Variants in ODR4 observed in about 807,000 individuals in gnomAD.
ODR4 encodes the protein protein odr-4 homolog.
ODR4 carries 47 observed loss-of-function variants against 60.2 expected under a neutral mutation model. That is an observed-to-expected ratio of 0.78 (90% CI 0.62 to 1.00). The LOEUF (loss-of-function observed/expected upper bound fraction) is 1.00. Ranked by LOEUF, ODR4 falls within the 50% of genes least tolerant of loss-of-function variation. ODR4 has a pLI of 0.00. For synonymous variants in ODR4, 178 were observed against 175.5 expected, an observed-to-expected ratio of 1.01 and a Z score of -0.11; for missense variants, 488 against 530.8, an observed-to-expected ratio of 0.92 and a Z score of 0.79.
chr1:186,428,354 A>G, the ODR4 span, among the ~76,000 whole-genome samples: 1 of 152,132 alleles, frequency 6.6e-6, no homozygotes, highest in South Asian at 2.1e-4. Context: ...AACCCCATGA[A>G]CCAACCTCTG....
intron 7 of ODR4, 144 bp downstream of exon 7, chr1:186,390,995 C>A: frequency 1.2e-6 from 1 of 860,176 alleles, no homozygotes; most frequent in Non-Finnish European, 1.7e-6. Context: ...ATTACCGCAG[C>A]CAAATTAGAA....
At chr1:186,433,439 C>T in the ODR4 span, among the ~76,000 whole-genome samples, 2 of 151,874 alleles carry the variant, frequency 1.3e-5, no homozygotes, top group Non-Finnish European at 2.9e-5. Flanking sequence ...TTAATTTCTA[C>T]TTAATTGCAT....
intron 11 of ODR4, among the ~76,000 whole-genome samples, chr1:186,399,429 A>C (rs1233296828): frequency 4.6e-5 from 7 of 152,074 alleles, no homozygotes; most frequent in Non-Finnish European, 1.0e-4. Context: ...GGCTAGTTTC[A>C]AACTCCTGAA....
At chr1:186,393,663 G>C (rs909899972) in intron 8 of ODR4, among the ~76,000 whole-genome samples, 1 of 152,150 alleles carries the variant, frequency 6.6e-6, no homozygotes, top group Admixed American at 6.5e-5. Flanking sequence ...GTTGCATACC[G>C]GTAAAACTTT....
chr1:186,388,856 G>A (rs1417906976), intron 5 of ODR4, among the ~76,000 whole-genome samples: 8 of 152,172 alleles, frequency 5.3e-5, no homozygotes, highest in African/African-American at 1.9e-4. Context: ...ATGCCTAACT[G>A]ATGGCTTAGG....
Position 186,391,700 on chromosome 1 carries a change from G to C in ODR4, c.620G>C (p.Gly207Ala). ...CCATGTTGTGTTTCTGTTAAGAATG[G>C]ACTTACACGCTGGGCCAAGGAAATA... ...SYTLEKNTKNGLTRWAKEIEN... is the reference protein window; with the variant it reads ...SYTLEKNTKNALTRWAKEIEN... The change falls in exon 8 of 14, where the codon GGA becomes GCA. Residue 207 changes from glycine (G) to alanine (A), a missense_variant. Transcript: ENST00000287859. 6.3e-7 allele frequency: 1 copy of C among 1,589,080 alleles called. No homozygotes were observed. Among genetic ancestry groups the C allele is most frequent in the Admixed American group, 1.7e-5 (1 of 58,246 alleles).
intron 4 of ODR4, among the ~76,000 whole-genome samples, chr1:186,387,610 A>G (rs1660303546): frequency 6.6e-6 from 1 of 152,234 alleles, no homozygotes; most frequent in Non-Finnish European, 1.5e-5. Flanking sequence ...AAAACTTGTC[A>G]GTGTCACCCA....
intron 11 of ODR4, chr1:186,401,546 T>G (rs1010166113): frequency 1.1e-5 from 2 of 179,292 alleles, no homozygotes; most frequent in African/African-American, 4.8e-5. Flanking sequence ...TCTTTCTCTT[T>G]CTTTCTCCTT....
At chr1:186,403,792 T>A (rs757557547) in intron 11 of ODR4, among the ~76,000 whole-genome samples, 1 of 152,206 alleles carries the variant, frequency 6.6e-6, no homozygotes, top group African/African-American at 2.4e-5. Flanking sequence ...GCTCAACTTA[T>A]TCTCATAGAT....
intron 11 of ODR4, among the ~76,000 whole-genome samples, chr1:186,402,881 C>T (rs1017668199): frequency 1.3e-5 from 2 of 152,072 alleles, no homozygotes; most frequent in Non-Finnish European, 2.9e-5. Flanking sequence ...TATGAATGGC[C>T]CCATTTTCTT....
intron 11 of ODR4, among the ~76,000 whole-genome samples, chr1:186,404,741 G>A (rs1661111517): frequency 1.3e-5 from 2 of 152,156 alleles, no homozygotes; most frequent in South Asian, 4.1e-4. Flanking sequence ...CATTTCCTGT[G>A]ACACTTAAGG....
chr1:186,411,063 ATT>A (rs1661365688), intron 12 of ODR4, among the ~76,000 whole-genome samples: 1 of 151,564 alleles, frequency 6.6e-6, no homozygotes, highest in African/African-American at 2.4e-5. Flanking sequence ...TTTATTCTTT[ATT>A]ATAATGTTGA....
At chr1:186,421,803 G>A (rs1661787279), downstream of ODR4, among the ~76,000 whole-genome samples, 1 of 148,518 alleles carries the variant, frequency 6.7e-6, no homozygotes, top group African/African-American at 2.5e-5. Flanking sequence ...GGCGAAGGTT[G>A]CAGTGAGGAG....
At chr1:186,390,303 G>A (rs1256749776) in intron 6 of ODR4, among the ~76,000 whole-genome samples, 3 of 152,198 alleles carry the variant, frequency 2.0e-5, no homozygotes, top group Non-Finnish European at 4.4e-5. Context: ...TTGTGAAAAA[G>A]TAACTTTGCA....
downstream of ODR4, among the ~76,000 whole-genome samples, chr1:186,423,318 CACTT>C (rs1309676699): frequency 2.6e-5 from 4 of 151,854 alleles, no homozygotes; most frequent in Non-Finnish European, 4.4e-5. Context: ...AGGCTGATAG[CACTT>C]ACTAACACTT....
chr1:186,381,359 C>T (rs1660014421), intron 2 of ODR4, among the ~76,000 whole-genome samples: 2 of 147,422 alleles, frequency 1.4e-5, no homozygotes, highest in South Asian at 4.2e-4. Flanking sequence ...GACGGAGTCT[C>T]GCTGTCGCCC....
intron 3 of ODR4, among the ~76,000 whole-genome samples, chr1:186,383,820 C>G (rs537425991): frequency 6.6e-6 from 1 of 151,034 alleles, no homozygotes; most frequent in Non-Finnish European, 1.5e-5. Context: ...GGTGGATCAC[C>G]TGAGGTCAGG....
chr1:186,383,675 G>GTGTATATATATATATATATATATATA (rs1660127808), intron 3 of ODR4, among the ~76,000 whole-genome samples: 1 of 114,744 alleles, frequency 8.7e-6, no homozygotes, highest in African/African-American at 3.3e-5. Context: ...TTCTGTGTAT[G>GTGTATATATATATATATATATATATA]TAGATATATA....
chr1:186,428,619 C>A, the ODR4 span, among the ~76,000 whole-genome samples: 34 of 152,338 alleles, frequency 2.2e-4, no homozygotes, highest in Non-Finnish European at 3.8e-4. Flanking sequence ...TTGCAAGAGG[C>A]TTAGCTTTCA....
Sources: allele counts gnomAD v4.1 joint callset (sites outside exome capture counted in the v4.1 genomes callset), GRCh38; gene constraint gnomAD v4.1.1; transcripts MANE v1.5; gene names NCBI Gene and HGNC (gene_info 2026-07-23, HGNC 2026-07-21).